MICU1: variants seen among roughly 807,000 people sequenced by gnomAD.
The protein encoded by MICU1 is calcium uptake protein 1, mitochondrial.
In MICU1, 45 loss-of-function variants were observed where a neutral mutation model predicts 56.8. That is an observed-to-expected ratio of 0.79 (90% CI 0.62 to 1.02). The LOEUF is 1.02. Ranked by LOEUF, MICU1 falls within the 50% of genes least tolerant of loss-of-function variation. The pLI, the probability that MICU1 is intolerant of heterozygous loss-of-function variation, is 0.00. For synonymous variants in MICU1, 186 were observed against 195.1 expected (o/e 0.95, Z 0.39); for missense variants, 504 against 587.1 (o/e 0.86, Z 1.46).
intron 6 of MICU1, among the ~76,000 whole-genome samples, chr10:72,478,524 A>G (rs1479966682): frequency 6.6e-6 from 1 of 152,252 alleles, no homozygotes; most frequent in Non-Finnish European, 1.5e-5. Flanking sequence ...ATACTAGTGA[A>G]TTAAAATTTC....
At chr10:72,548,245 A>G (rs1398366637) in intron 4 of MICU1, among the ~76,000 whole-genome samples, 1 of 152,244 alleles carries the variant, frequency 6.6e-6, no homozygotes, top group Non-Finnish European at 1.5e-5. Context: ...GAGACAAGGC[A>G]TAAAATATGT....
chr10:72,432,484 G>A (rs1003282983), intron 8 of MICU1, among the ~76,000 whole-genome samples: 7 of 152,092 alleles, frequency 4.6e-5, no homozygotes, highest in Non-Finnish European at 1.0e-4. Flanking sequence ...AATACCTGAA[G>A]CTGGGTAATT....
rs866783856 is a variant in MICU1 at position 72,481,242 on chromosome 10, T to A, written c.653-3986A>T. ...GTGAAACATGCTACACAGTATATGATGTCAAGCGATTCTCTTGTAAACTTA... is the reference window on the plus strand; with the variant it reads ...GTGAAACATGCTACACAGTATATGAAGTCAAGCGATTCTCTTGTAAACTTA... On this transcript the variant is annotated intron_variant, in intron 6 of 11. Coordinates refer to ENST00000361114, the MANE Select transcript of MICU1 (RefSeq NM_001195518.2). 9.8e-5 allele frequency among the ~76,000 whole-genome samples: 15 copies of A among 152,348 alleles called. No homozygotes were observed. The South Asian group carries it at 1.4e-3, about 15-fold the overall frequency.
chr10:72,568,638 G>A (rs1005407315), intron 1 of MICU1, among the ~76,000 whole-genome samples: 5 of 152,128 alleles, frequency 3.3e-5, no homozygotes, highest in East Asian at 3.9e-4. Flanking sequence ...GAATGCTGGT[G>A]AGAAATAAAT....
At chr10:72,458,399 T>C (rs1403525539) in intron 8 of MICU1, among the ~76,000 whole-genome samples, 1 of 152,164 alleles carries the variant, frequency 6.6e-6, no homozygotes, top group Non-Finnish European at 1.5e-5. Context: ...CATGGAAACT[T>C]GGAAAATATT....
chr10:72,543,499 C>A (rs1210278625), intron 4 of MICU1, among the ~76,000 whole-genome samples: 1 of 113,508 alleles, frequency 8.8e-6, no homozygotes, highest in Non-Finnish European at 2.1e-5. Flanking sequence ...CATAGCGAGA[C>A]CCCATCTCAA....
At chr10:72,457,940 G>A (rs1461926721) in intron 8 of MICU1, among the ~76,000 whole-genome samples, 7 of 152,028 alleles carry the variant, frequency 4.6e-5, no homozygotes, top group East Asian at 1.9e-4. Flanking sequence ...AAGCCGAGGC[G>A]GGTGGATCAT....
rs190086829 is a variant in MICU1, at chr10:72,531,887, T to A, written c.537+1859A>T. ...TTATTCATTACATAAGGTTTTATTT[T>A]TTTTTTTTTTAGTCCTTTATCTTTT... On this transcript the variant is annotated intron_variant, in intron 5 of 11. Transcript: ENST00000361114. 1.2e-3 allele frequency among the ~76,000 whole-genome samples: 181 copies of A among 151,932 alleles called. 1 individual carries two copies. Among genetic ancestry groups the A allele is most frequent in the Middle Eastern group, 0.01 (3 of 294 alleles).
intron 4 of MICU1, among the ~76,000 whole-genome samples, chr10:72,548,443 T>A (rs1182287551): frequency 6.6e-6 from 1 of 152,216 alleles, no homozygotes; most frequent in African/African-American, 2.4e-5. Flanking sequence ...TTAATTGCAA[T>A]ATTTAAAAAG....
intron 10 of MICU1, among the ~76,000 whole-genome samples, chr10:72,406,899 T>G (rs1463606113): frequency 6.6e-6 from 1 of 152,156 alleles, no homozygotes; most frequent in Non-Finnish European, 1.5e-5. Flanking sequence ...AGTGTTCGGA[T>G]TACAGGCATG....
At chr10:72,378,759 C>T (rs1197777697) in intron 10 of MICU1, among the ~76,000 whole-genome samples, 4 of 152,202 alleles carry the variant, frequency 2.6e-5, no homozygotes, top group African/African-American at 9.7e-5. Flanking sequence ...CCACCACCAA[C>T]GTGCTGTGTG....
At chr10:72,492,305 T>C (rs1283133744) in intron 6 of MICU1, among the ~76,000 whole-genome samples, 1 of 152,102 alleles carries the variant, frequency 6.6e-6, no homozygotes, top group Non-Finnish European at 1.5e-5. Context: ...GAAAAAGCGG[T>C]AACCAATCGG....
At chr10:72,534,626 A>C (rs770602799) in intron 4 of MICU1, among the ~76,000 whole-genome samples, 15 of 152,124 alleles carry the variant, frequency 9.9e-5, no homozygotes, top group African/African-American at 2.4e-4. Flanking sequence ...TTATTCAGTT[A>C]TTTTCTTTCA....
At chr10:72,572,280 T>C (rs938692027) in intron 1 of MICU1, among the ~76,000 whole-genome samples, 3 of 152,196 alleles carry the variant, frequency 2.0e-5, no homozygotes, top group Non-Finnish European at 4.4e-5. Flanking sequence ...TAAGATCATA[T>C]AAAGTATTCA....
Position 72,375,668 on chromosome 10 carries a change from AG to A in MICU1, c.1270+114del, listed in dbSNP as rs1191252270. 1.6e-5 allele frequency: 14 copies of A among 896,470 alleles called. No homozygotes were observed. In the Admixed American group the frequency reaches 4.3e-4, roughly 28 times the overall value. The allele number at this position is 896,470 out of a possible 1,614,324, so 55.5% of individuals were successfully genotyped here. A position where few individuals can be genotyped will look rare whatever the true frequency, so the allele number is the denominator to read the frequency against. ...AGGTGCTAATGTGAGAAAGGTGGGT[AG>A]CTTGAAGAGGATGGGCTGGTACACA... is the stretch of plus-strand genomic sequence containing the variant. On this transcript the variant is annotated intron_variant, in intron 11 of 11. Transcript: ENST00000361114.
At chr10:72,463,553 T>C (rs917833243) in intron 8 of MICU1, among the ~76,000 whole-genome samples, 3 of 152,240 alleles carry the variant, frequency 2.0e-5, no homozygotes, top group Admixed American at 1.3e-4. Context: ...ATTATCAAGG[T>C]TGCATTTACA....
intron 10 of MICU1, among the ~76,000 whole-genome samples, chr10:72,380,413 C>A (rs1283070837): frequency 2.0e-5 from 3 of 152,204 alleles, no homozygotes; most frequent in Admixed American, 2.0e-4. Context: ...CTGGCACCAT[C>A]TGGCTTTTTG....
chr10:72,449,245 A>G (rs1441219790), intron 8 of MICU1, among the ~76,000 whole-genome samples: 1 of 152,124 alleles, frequency 6.6e-6, no homozygotes, highest in Non-Finnish European at 1.5e-5. Context: ...CAAAAATACA[A>G]AAATTAGCAA....
chr10:72,591,250 G>C (rs1489563979), intron 1 of MICU1, among the ~76,000 whole-genome samples: 1 of 151,956 alleles, frequency 6.6e-6, no homozygotes, highest in African/African-American at 2.4e-5. Context: ...AAATTTAAAG[G>C]TACAAAATGA....
Sources: allele counts gnomAD v4.1 joint callset (sites outside exome capture counted in the v4.1 genomes callset), GRCh38; gene constraint gnomAD v4.1.1; transcripts MANE v1.5; gene names NCBI Gene and HGNC (gene_info 2026-07-23, HGNC 2026-07-21).